SLC4A2: variants seen among roughly 807,000 people sequenced by gnomAD.
SLC4A2 encodes the protein anion exchange protein 2.
Under a neutral mutation model 115.0 loss-of-function variants are expected in SLC4A2, and 36 were observed. That is an observed-to-expected ratio of 0.31 (90% CI 0.24 to 0.41). The LOEUF (loss-of-function observed/expected upper bound fraction) is 0.41. Ranked by LOEUF, SLC4A2 falls within the 10% of genes least tolerant of loss-of-function variation. The pLI is 1.00. For missense variants in SLC4A2, 1,252 were observed against 1,705.6 expected (o/e 0.73, Z 4.68); for synonymous variants, 708 against 708.3 (o/e 1.00, Z 0.01).
upstream of SLC4A2, chr7:151,058,235 C>G (rs537067910): frequency 7.5e-4 from 235 of 314,294 alleles, no homozygotes; most frequent in Non-Finnish European, 1.1e-3. Context: ...AAAAGGGCCG[C>G]TCCGGGACTA....
intron 2 of SLC4A2, chr7:151,062,768 G>A (rs1584981818): frequency 2.2e-6 from 3 of 1,370,068 alleles, no homozygotes; most frequent in Non-Finnish European, 2.8e-6. Flanking sequence ...GGGGCTGGGC[G>A]CTTAGGGGAG....
intron 19 of SLC4A2, 32 bp downstream of exon 19, chr7:151,074,873 G>C: frequency 6.4e-7 from 1 of 1,558,864 alleles, no homozygotes; most frequent in Non-Finnish European, 8.7e-7. Context: ...GGTGTGAGAG[G>C]CCAGAGCCCC....
chr7:151,073,659 G>A (rs1797518099), intron 16 of SLC4A2, among the ~76,000 whole-genome samples: 1 of 152,154 alleles, frequency 6.6e-6, no homozygotes, highest in Non-Finnish European at 1.5e-5. Context: ...TTGTTAAAAT[G>A]TCAAACAATC....
chr7:151,061,434 C>T (rs942980607), intron 1 of SLC4A2: 4 of 154,564 alleles, frequency 2.6e-5, no homozygotes, highest in African/African-American at 9.7e-5. Flanking sequence ...TTCCATTCGT[C>T]TGCTTCCTGT....
intron 2 of SLC4A2, among the ~76,000 whole-genome samples, chr7:151,062,311 C>T (rs1797075638): frequency 6.6e-6 from 1 of 152,164 alleles, no homozygotes; most frequent in African/African-American, 2.4e-5. Flanking sequence ...TTTGAGAACC[C>T]TGGGTCTCTC....
intron 7 of SLC4A2, 58 bp from the exon 8 acceptor site, chr7:151,067,816 C>A (rs752632962): frequency 5.0e-4 from 746 of 1,506,792 alleles, no homozygotes; most frequent in Non-Finnish European, 5.4e-4. Context: ...CCTCTGACAC[C>A]CACCCCAGGG....
intron 21 of SLC4A2, 112 bp from the exon 22 acceptor site, chr7:151,075,901 C>A: frequency 7.0e-7 from 1 of 1,425,600 alleles, no homozygotes; most frequent in Non-Finnish European, 9.5e-7. Flanking sequence ...TCTGTACCAA[C>A]CCAGCTCTGG....
rs1023175169 is a variant in SLC4A2, at chr7:151,062,552, T to G, written c.51+514T>G. 7.8e-6 allele frequency: 11 copies of G among 1,414,324 alleles called. No homozygotes were observed. The Admixed American group carries it at 9.3e-5, about 12-fold the overall frequency. The allele number at this position is 1,414,324 out of a possible 1,614,324, so 87.6% of individuals were successfully genotyped here. On this transcript the variant is annotated intron_variant, in intron 2 of 22. Transcript: ENST00000413384. ...CCCGTGCCACAATCAGCTCCGCTATTGGTCACACTGGCCCAGAGGGGCACG... is the reference window on the plus strand; with the variant it reads ...CCCGTGCCACAATCAGCTCCGCTATGGGTCACACTGGCCCAGAGGGGCACG...
Position 151,076,212 on chromosome 7 carries a change from G to A in SLC4A2, c.3645+26G>A, listed in dbSNP as rs372930320. On this transcript the variant is annotated intron_variant, in intron 22 of 22. Transcript: ENST00000413384. ...GTAAGCCCTCCCGTCTGCCTCCCCC[G>A]GTTCCTCTTGCCTCCCTGTGGATCT... The A allele has an allele frequency of 5.8e-5, 94 of 1,608,790 alleles. No homozygotes were observed. Among genetic ancestry groups the A allele is most frequent in the Middle Eastern group, 5.0e-4 (3 of 6,044 alleles).
intron 2 of SLC4A2, chr7:151,063,298 T>G: frequency 2.3e-6 from 2 of 867,350 alleles, no homozygotes; most frequent in Admixed American, 3.5e-5. Context: ...AGGGCATCCA[T>G]TCCGGTCCCT....
At position 151,075,597 on chromosome 7, in the gene SLC4A2, C is replaced by T; in HGVS notation, c.3302-9C>T. The T allele has an allele frequency of 6.3e-7, 1 of 1,586,738 alleles. No individual in the cohort carries two copies. Among genetic ancestry groups the T allele is most frequent in the African/African-American group, 1.3e-5 (1 of 74,360 alleles). On this transcript the variant is annotated splice_polypyrimidine_tract_variant and intron_variant, in intron 20 of 22. Coordinates refer to ENST00000413384, the MANE Select transcript of SLC4A2 (RefSeq NM_003040.4). ...CCGGGGCCAACTCTTTCTCCTGCGC[C>T]TCCCGTAGGCCTCTCCATAGTTATC...
At position 151,071,634 on chromosome 7, in the gene SLC4A2, C is replaced by G; in HGVS notation, c.2191+29C>G. The G allele has an allele frequency of 6.2e-7, 1 of 1,613,020 alleles. No homozygotes were observed. Among genetic ancestry groups the G allele is most frequent in the Non-Finnish European group, 8.5e-7 (1 of 1,179,570 alleles). On this transcript the variant is annotated intron_variant, in intron 14 of 22. Transcript: ENST00000413384. The surrounding 1 kb of genome is among the most constrained non-coding windows in gnomAD (Gnocchi z 5.5). ...AGGAGAGCCTTCAGGTAGGGGGCGG[C>G]GGGGACTGCCCAGGGCCTGGCCACC...
chr7:151,062,634 C>T (rs1321214376), intron 2 of SLC4A2: 3 of 1,522,692 alleles, frequency 2.0e-6, no homozygotes, highest in Non-Finnish European at 2.6e-6. Context: ...TTCACCCCTG[C>T]CGGCCATGGA....
chr7:151,063,987 C>T (rs1797140773), intron 2 of SLC4A2, among the ~76,000 whole-genome samples: 1 of 152,036 alleles, frequency 6.6e-6, no homozygotes, highest in African/African-American at 2.4e-5. Flanking sequence ...CCTCAGCCTC[C>T]CAAAGTGCTG....
upstream of SLC4A2, chr7:151,059,147 G>A (rs1340605675): frequency 6.6e-6 from 1 of 152,192 alleles, no homozygotes; most frequent in African/African-American, 2.4e-5. The surrounding 1 kb of genome is among the most constrained non-coding windows in gnomAD (Gnocchi z 5.8). Context: ...CTCTGGAAGT[G>A]GAGAGCCTCT....
At position 151,076,489 on chromosome 7, in the gene SLC4A2, C is replaced by G. The variant is rs970497075; in HGVS notation, c.*122C>G. ...TGAATAATTTAAAGTCTTCTCCTCC[C>G]CCACTGCCCCTGCAGTAAAGTGCTT... On this transcript the variant is annotated 3_prime_UTR_variant, in exon 23 of 23. Coordinates refer to ENST00000413384, the MANE Select transcript of SLC4A2 (RefSeq NM_003040.4). 84 of 840,450 alleles carry G rather than the reference C, an allele frequency of 1.0e-4. No homozygotes were observed. Among genetic ancestry groups the G allele is most frequent in the Admixed American group, 2.7e-4 (8 of 29,632 alleles). The allele number at this position is 840,450 out of a possible 1,614,324, so 52.1% of individuals were successfully genotyped here. A position where few individuals can be genotyped will look rare whatever the true frequency, so the allele number is the denominator to read the frequency against.
intron 16 of SLC4A2, among the ~76,000 whole-genome samples, chr7:151,072,418 A>G (rs1797472025): frequency 1.3e-5 from 2 of 151,956 alleles, no homozygotes; most frequent in African/African-American, 4.8e-5. Flanking sequence ...CAGCCTCCCA[A>G]GTAGCTGGGA....
intron 1 of SLC4A2, 44 bp from the exon 2 acceptor site, chr7:151,061,881 C>A: frequency 9.4e-7 from 1 of 1,062,226 alleles, no homozygotes; most frequent in South Asian, 1.3e-5. Flanking sequence ...TGGCTCCTGC[C>A]CTCCCAGGGC....
chr7:151,067,200 T>A (rs758221905), intron 7 of SLC4A2, among the ~76,000 whole-genome samples: 10 of 152,242 alleles, frequency 6.6e-5, no homozygotes, highest in South Asian at 2.1e-4. Context: ...GCGATTCTCC[T>A]GCCTCAGCCT....
Sources: gnomAD v4.1 joint callset for allele counts (sites outside exome capture counted in the v4.1 genomes callset) on GRCh38, gnomAD v4.1.1 for gene constraint, Gnocchi (gnomAD v3.1) non-coding constraint, MANE v1.5 for transcripts, NCBI Gene and HGNC (gene_info 2026-07-23, HGNC 2026-07-21) for gene names.